STK39: variants seen among roughly 807,000 people sequenced by gnomAD.
STK39 encodes the protein serine/threonine kinase 39.
In STK39, 20 loss-of-function variants were observed where a neutral mutation model predicts 77.8. The observed-to-expected ratio is 0.26, with a 90% CI of 0.18 to 0.37. The LOEUF is 0.37. Among genes scored for constraint, STK39 ranks in the 10% least tolerant of loss-of-function variants. The probability of loss-of-function intolerance (pLI) is 1.00; values close to 1 mark genes in which losing one functional copy is unlikely to be tolerated. For missense variants in STK39, 479 were observed against 656.5 expected, an observed-to-expected ratio of 0.73 and a Z score of 2.95; for synonymous variants, 246 against 234.1, an observed-to-expected ratio of 1.05 and a Z score of -0.47.
chr2:168,147,142 C>G (rs1393806866), intron 5 of STK39, among the ~76,000 whole-genome samples: 2 of 152,286 alleles, frequency 1.3e-5, no homozygotes, highest in Non-Finnish European at 2.9e-5. Flanking sequence ...GTTGTGATTA[C>G]CCAACACAGA....
At chr2:168,038,353 TGGAA>T (rs925281403) in intron 14 of STK39, among the ~76,000 whole-genome samples, 1 of 151,700 alleles carries the variant, frequency 6.6e-6, no homozygotes. Flanking sequence ...AGTGTGTATC[TGGAA>T]GGAAACAAAA....
At chr2:167,956,736 C>T (rs565698159) in intron 17 of STK39, among the ~76,000 whole-genome samples, 2,223 of 49,602 alleles carry the variant, frequency 0.045, 168 homozygotes, top group African/African-American at 0.18. Flanking sequence ...TCTCCCCCCC[C>T]GCCCCCTCAG....
chr2:168,026,706 T>C (rs538831886), intron 14 of STK39, among the ~76,000 whole-genome samples: 3 of 152,328 alleles, frequency 2.0e-5, no homozygotes, highest in African/African-American at 4.8e-5. Context: ...CAGTTAAGAA[T>C]TGCTGCATGC....
At chr2:168,150,963 G>A (rs1203390812) in intron 5 of STK39, among the ~76,000 whole-genome samples, 1 of 151,844 alleles carries the variant, frequency 6.6e-6, no homozygotes, top group Admixed American at 6.6e-5. Context: ...CAGGCTCCTG[G>A]TTTTCATTTC....
intron 14 of STK39, among the ~76,000 whole-genome samples, chr2:168,033,883 C>T (rs539636634): frequency 2.5e-4 from 38 of 152,276 alleles, no homozygotes; most frequent in East Asian, 3.9e-4. Context: ...GGTAGTGACA[C>T]GAACTACTTC....
At chr2:168,199,550 CAG>C (rs1206131327) in intron 1 of STK39, among the ~76,000 whole-genome samples, 2 of 147,190 alleles carry the variant, frequency 1.4e-5, no homozygotes, top group African/African-American at 5.1e-5. Context: ...TTTTTTTAGA[CAG>C]AGTCTCGCTC....
chr2:168,050,134 C>CA (rs1358434033), intron 14 of STK39, among the ~76,000 whole-genome samples: 1 of 152,160 alleles, frequency 6.6e-6, no homozygotes, highest in Non-Finnish European at 1.5e-5. Context: ...ATTTGGCATA[C>CA]ACTGGGCACT....
chr2:167,987,944 C>G, intron 16 of STK39, among the ~76,000 whole-genome samples: 1 of 152,300 alleles, frequency 6.6e-6, no homozygotes, highest in East Asian at 1.9e-4. Context: ...TTAATCCTTA[C>G]AGCTATTCTA....
intron 1 of STK39, among the ~76,000 whole-genome samples, chr2:168,182,758 A>G (rs1689112716): frequency 6.6e-6 from 1 of 152,224 alleles, no homozygotes; most frequent in African/African-American, 2.4e-5. Flanking sequence ...AAATGTAGAC[A>G]TGTAATGATT....
intron 10 of STK39, among the ~76,000 whole-genome samples, chr2:168,082,123 A>C (rs577370431): frequency 6.6e-6 from 1 of 152,178 alleles, no homozygotes; most frequent in African/African-American, 2.4e-5. Flanking sequence ...TCTTTTTACA[A>C]GACCAATGCC....
chr2:168,170,867 C>A (rs184141544), intron 2 of STK39, among the ~76,000 whole-genome samples: 81 of 152,202 alleles, frequency 5.3e-4, no homozygotes, highest in African/African-American at 1.8e-3. Flanking sequence ...GTGAATTTCA[C>A]AAGGACAGAA....
chr2:168,040,445 C>T (rs573496612), intron 14 of STK39, among the ~76,000 whole-genome samples: 16 of 152,318 alleles, frequency 1.1e-4, no homozygotes, highest in Middle Eastern at 3.4e-3. Context: ...AAATGCTTTT[C>T]GCTAAGTTCT....
chr2:168,230,743 GGCT>G (rs1481871401), intron 1 of STK39, among the ~76,000 whole-genome samples: 1 of 151,974 alleles, frequency 6.6e-6, no homozygotes, highest in African/African-American at 2.4e-5. Flanking sequence ...CTCAACAAGA[GGCT>G]GCTGCTGAAT....
At chr2:168,009,690 C>T (rs1157030144) in intron 16 of STK39, among the ~76,000 whole-genome samples, 1 of 152,022 alleles carries the variant, frequency 6.6e-6, no homozygotes, top group East Asian at 1.9e-4. Flanking sequence ...GTGTGATGTC[C>T]ATGTAAGGCA....
intron 10 of STK39, among the ~76,000 whole-genome samples, chr2:168,081,051 T>A (rs1686216804): frequency 6.6e-6 from 1 of 152,178 alleles, no homozygotes; most frequent in Non-Finnish European, 1.5e-5. Context: ...GAACCTCTGC[T>A]TGGCCAGTGC....
intron 16 of STK39, among the ~76,000 whole-genome samples, chr2:167,996,452 C>T (rs1163052553): frequency 2.0e-5 from 3 of 152,224 alleles, no homozygotes; most frequent in Non-Finnish European, 4.4e-5. Context: ...CTAGAACCTA[C>T]CTGGCAGGGG....
chr2:168,043,698 T>C (rs182534194), intron 14 of STK39, among the ~76,000 whole-genome samples: 3 of 152,366 alleles, frequency 2.0e-5, no homozygotes, highest in Admixed American at 6.5e-5. Context: ...TCTCAATTCT[T>C]TTCCTGGTTT....
chr2:168,048,855 G>A (rs1164275185), intron 14 of STK39, among the ~76,000 whole-genome samples: 1 of 152,206 alleles, frequency 6.6e-6, no homozygotes, highest in African/African-American at 2.4e-5. Context: ...CAATGCCTCT[G>A]ATGTGACCCC....
intron 5 of STK39, among the ~76,000 whole-genome samples, chr2:168,150,948 CA>C (rs1166501048): frequency 4.6e-5 from 7 of 152,046 alleles, no homozygotes; most frequent in African/African-American, 1.7e-4. Context: ...CCCCTCACCC[CA>C]CATCAGGCTC....
Sources: allele counts gnomAD v4.1 joint callset (sites outside exome capture counted in the v4.1 genomes callset), GRCh38; gene constraint gnomAD v4.1.1; transcripts MANE v1.5; gene names NCBI Gene and HGNC (gene_info 2026-07-23, HGNC 2026-07-21).